The following ZNF143 variants were observed in gnomAD, a reference collection of about 807,000 sequenced individuals.
ZNF143 encodes zinc finger protein 143.
In ZNF143, 49 loss-of-function variants were observed where a neutral mutation model predicts 74.1. The observed-to-expected ratio is 0.66, with a 90% CI of 0.53 to 0.84. ZNF143 has a LOEUF of 0.84. Among genes scored for constraint, ZNF143 ranks in the 40% least tolerant of loss-of-function variants. ZNF143 has a pLI of 0.00. For synonymous variants in ZNF143, 304 were observed against 282.8 expected, an observed-to-expected ratio of 1.07 and a Z score of -0.75; for missense variants, 637 against 793.4, an observed-to-expected ratio of 0.80 and a Z score of 2.37.
intron 9 of ZNF143, 62 bp downstream of exon 9, chr11:9,496,440 G>C (rs1317673060): frequency 8.4e-6 from 12 of 1,431,360 alleles, no homozygotes; most frequent in Admixed American, 1.7e-5. Context: ...AGACAGGCTA[G>C]TGGAAGGAAC....
chr11:9,516,151 C>T (rs375070685), intron 13 of ZNF143, 50 bp from the exon 14 acceptor site: 44 of 1,587,202 alleles, frequency 2.8e-5, no homozygotes, highest in Non-Finnish European at 3.8e-5. Context: ...GGAAGATTGT[C>T]AGCTATAACA....
intron 10 of ZNF143, among the ~76,000 whole-genome samples, chr11:9,499,918 G>A (rs948519600): frequency 2.0e-5 from 3 of 152,136 alleles, no homozygotes; most frequent in Admixed American, 6.6e-5. Flanking sequence ...AAGCAAATAT[G>A]AAGGAAAGAA....
intron 11 of ZNF143, among the ~76,000 whole-genome samples, chr11:9,504,777 C>T (rs373313820): frequency 0.012 from 1,021 of 85,144 alleles, 18 homozygotes; most frequent in Middle Eastern, 0.042. Flanking sequence ...TGGGTTCAAG[C>T]GATTCTCCTG....
intron 1 of ZNF143, among the ~76,000 whole-genome samples, chr11:9,466,051 C>T (rs957739318): frequency 1.3e-5 from 2 of 151,384 alleles, no homozygotes; most frequent in Non-Finnish European, 2.9e-5. Context: ...GGCTAGATCT[C>T]GGCTCACTGC....
chr11:9,489,137 TGTTA>T (rs2134006725), intron 7 of ZNF143, among the ~76,000 whole-genome samples: 1 of 152,350 alleles, frequency 6.6e-6, no homozygotes, highest in East Asian at 1.9e-4. Context: ...AGGTTCCTTT[TGTTA>T]GTTGGGTGTT....
intron 10 of ZNF143, among the ~76,000 whole-genome samples, chr11:9,500,798 T>C (rs773139061): frequency 1.3e-5 from 2 of 152,258 alleles, no homozygotes; most frequent in East Asian, 1.9e-4. Flanking sequence ...ATATTTCTTA[T>C]GTTTTTCTCT....
At chr11:9,500,995 G>A (rs1047624212) in intron 10 of ZNF143, 96 bp from the exon 11 acceptor site, 1 of 1,455,088 alleles carries the variant, frequency 6.9e-7, no homozygotes, top group Non-Finnish European at 9.5e-7. Flanking sequence ...GAAGGCTAGA[G>A]TCTTGAGCAT....
chr11:9,503,795 G>A (rs1290905323), intron 11 of ZNF143, among the ~76,000 whole-genome samples: 1 of 151,842 alleles, frequency 6.6e-6, no homozygotes, highest in Admixed American at 6.6e-5. Flanking sequence ...GGGACTACAG[G>A]TGTGTGCCAC....
intron 7 of ZNF143, among the ~76,000 whole-genome samples, chr11:9,481,312 C>T (rs936858213): frequency 8.6e-5 from 13 of 152,018 alleles, no homozygotes; most frequent in Admixed American, 3.3e-4. Flanking sequence ...CCCTTGAGCC[C>T]GTGGTTTGAA....
At chr11:9,522,156 A>C (rs1459627178) in intron 14 of ZNF143, among the ~76,000 whole-genome samples, 4 of 152,140 alleles carry the variant, frequency 2.6e-5, no homozygotes, top group Non-Finnish European at 4.4e-5. Context: ...AAAAGGTTTA[A>C]ATTGAATGAT....
Position 9,506,908 on chromosome 11 carries a change from C to T in ZNF143, c.1148-1711C>T, listed in dbSNP as rs964726615. ...CTCAAAAGCTCAATCCAAATCCATT[C>T]GCCTCTTGGCTGTGGTTTGGTGCCA... On this transcript the variant is annotated intron_variant, in intron 11 of 15. Coordinates refer to ENST00000396602, the MANE Select transcript of ZNF143 (RefSeq NM_003442.6). Among the ~76,000 whole-genome samples, 3 of 152,062 alleles carry T rather than the reference C, an allele frequency of 2.0e-5. No homozygotes were observed. The South Asian group carries it at 6.2e-4, about 32-fold the overall frequency.
intron 1 of ZNF143, chr11:9,462,144 A>G (rs1022522460): frequency 6.6e-6 from 1 of 152,108 alleles, no homozygotes; most frequent in Non-Finnish European, 1.5e-5. Context: ...CATAAGATGC[A>G]TAGCTAATTT....
chr11:9,496,258 G>A, intron 8 of ZNF143, 45 bp from the exon 9 acceptor site: 1 of 1,569,746 alleles, frequency 6.4e-7, no homozygotes, highest in Non-Finnish European at 8.8e-7. Context: ...ATCTTCCTGA[G>A]GAATACGTAA....
intron 7 of ZNF143, among the ~76,000 whole-genome samples, chr11:9,484,799 G>GTTTTTTTTTTT (rs1316309780): frequency 0.36 from 8,419 of 23,090 alleles, 835 homozygotes; most frequent in Middle Eastern, 0.5. Context: ...CCTGGCCAAA[G>GTTTTTTTTTTT]ATTTTTTTTT....
intron 12 of ZNF143, among the ~76,000 whole-genome samples, chr11:9,509,210 A>G (rs1281657614): frequency 6.6e-6 from 1 of 152,202 alleles, no homozygotes; most frequent in Non-Finnish European, 1.5e-5. Context: ...AGACCAAAGT[A>G]AATTGGAGAT....
intron 13 of ZNF143, 38 bp downstream of exon 13, chr11:9,512,634 C>A: frequency 1.9e-6 from 3 of 1,607,874 alleles, no homozygotes; most frequent in Non-Finnish European, 1.7e-6. Flanking sequence ...TTAAATCTTT[C>A]TGTGAACCTG....
Position 9,520,323 on chromosome 11 carries a change from AT to A in ZNF143, c.1686+3984del, listed in dbSNP as rs984661960. Among the ~76,000 whole-genome samples the A allele has an allele frequency of 3.4e-3, 415 of 122,394 alleles. 2 individuals are homozygous for A. The highest frequency in any genetic ancestry group is 7.4e-3 in the African/African-American group (238 of 32,040). The allele number at this position is 122,394 out of a possible 152,430, so 80.3% of individuals were successfully genotyped here. On this transcript the variant is annotated intron_variant, in intron 14 of 15. Transcript: ENST00000396602. Reference sequence around the variant, plus strand: ...AGTGCTGAGCCACTGTGCCTGTCCAATTTTTTTTTTTTTTTTTTTTTTTAAT... The same window carrying A: ...AGTGCTGAGCCACTGTGCCTGTCCAATTTTTTTTTTTTTTTTTTTTTTAAT...
chr11:9,512,672 T>C, intron 13 of ZNF143, 76 bp downstream of exon 13: 1 of 1,577,290 alleles, frequency 6.3e-7, no homozygotes, highest in Non-Finnish European at 8.6e-7. Flanking sequence ...GGGTCCCCAT[T>C]GAGGAAAGCT....
chr11:9,496,722 G>A (rs965959567), intron 9 of ZNF143, among the ~76,000 whole-genome samples: 10 of 151,768 alleles, frequency 6.6e-5, no homozygotes, highest in Admixed American at 2.6e-4. Context: ...TCAGCCTCCC[G>A]AGTAGCTGGG....
Sources: allele counts gnomAD v4.1 joint callset (sites outside exome capture counted in the v4.1 genomes callset), GRCh38; gene constraint gnomAD v4.1.1; transcripts MANE v1.5; gene names NCBI Gene and HGNC (gene_info 2026-07-23, HGNC 2026-07-21).